TBC1D15: variants seen among roughly 807,000 people sequenced by gnomAD.
TBC1D15 encodes GAP for RAB7.
Under a neutral mutation model 95.4 loss-of-function variants are expected in TBC1D15, and 39 were observed. The observed-to-expected ratio is 0.41, with a 90% CI of 0.32 to 0.53. TBC1D15 has a LOEUF of 0.53. Among genes scored for constraint, TBC1D15 ranks in the 20% least tolerant of loss-of-function variants. The pLI is 0.29. For synonymous variants in TBC1D15, 258 were observed against 261.3 expected (o/e 0.99, Z 0.12); for missense variants, 733 against 794.3 (o/e 0.92, Z 0.93).
chr12:71,876,573 T>G (rs940668665), intron 3 of TBC1D15, among the ~76,000 whole-genome samples: 10 of 152,216 alleles, frequency 6.6e-5, no homozygotes, highest in African/African-American at 2.4e-4. Flanking sequence ...TTTCCATATT[T>G]TAATCCCTCT....
Position 71,884,792 on chromosome 12 carries a change from C to G in TBC1D15, c.344-19C>G, listed in dbSNP as rs769021270. 4 of 1,612,932 alleles carry G rather than the reference C, an allele frequency of 2.5e-6. No homozygotes were observed. The highest frequency in any genetic ancestry group is 3.4e-6 in the Non-Finnish European group (4 of 1,179,406). ...AAAAGGTGAACAAAAATATTTTGCC[C>G]CACTTTCTTGTTTTTAAGATGCTCC... On this transcript the variant is annotated intron_variant, in intron 4 of 16. Transcript: ENST00000485960.
chr12:71,859,127 GT>G (rs202068982), intron 1 of TBC1D15, among the ~76,000 whole-genome samples: 1 of 151,572 alleles, frequency 6.6e-6, no homozygotes, highest in African/African-American at 2.4e-5. Context: ...CCATTTGTAT[GT>G]TTTTTTTGTC....
intron 1 of TBC1D15, among the ~76,000 whole-genome samples, chr12:71,860,258 A>G (rs1890091626): frequency 6.6e-6 from 1 of 152,050 alleles, no homozygotes; most frequent in Non-Finnish European, 1.5e-5. Flanking sequence ...GTTCCATATG[A>G]ATTTTAGGAT....
At chr12:71,863,372 T>G (rs1890796411) in intron 1 of TBC1D15, among the ~76,000 whole-genome samples, 1 of 151,588 alleles carries the variant, frequency 6.6e-6, no homozygotes, top group African/African-American at 2.4e-5. Context: ...AGTGAGACTC[T>G]GTCTCAAAAA....
chr12:71,856,306 T>A (rs1296359926), intron 1 of TBC1D15, among the ~76,000 whole-genome samples: 1 of 152,186 alleles, frequency 6.6e-6, no homozygotes, highest in Non-Finnish European at 1.5e-5. Context: ...GGAAACTGAT[T>A]AGGCTATTCC....
Position 71,877,031 on chromosome 12 carries a change from G to A in TBC1D15, c.205-3438G>A, listed in dbSNP as rs551127752. On this transcript the variant is annotated intron_variant, in intron 3 of 16. Coordinates refer to ENST00000485960, the MANE Select transcript of TBC1D15 (RefSeq NM_001146213.3). ...TCACCATGTTGGCCAGGCTGGTCTC[G>A]AATCCCTGACCTCAAGTGATCTGTC... is the stretch of plus-strand genomic sequence containing the variant. 1.6e-4 allele frequency among the ~76,000 whole-genome samples: 25 copies of A among 151,918 alleles called. No individual in the cohort carries two copies. In the South Asian group the frequency reaches 3.5e-3, roughly 22 times the overall value.
intron 1 of TBC1D15, among the ~76,000 whole-genome samples, chr12:71,870,479 GA>G (rs1382940183): frequency 6.6e-6 from 1 of 152,104 alleles, no homozygotes; most frequent in Non-Finnish European, 1.5e-5. Flanking sequence ...TTAGGTTTTT[GA>G]AATCAAAACT....
At chr12:71,849,004 C>G (rs1421737006) in intron 1 of TBC1D15, among the ~76,000 whole-genome samples, 1 of 152,082 alleles carries the variant, frequency 6.6e-6, no homozygotes, top group Non-Finnish European at 1.5e-5. Context: ...TGGCCTGTTA[C>G]AAAGCAAACA....
At position 71,884,973 on chromosome 12, in the gene TBC1D15, A is replaced by G. The variant is rs774668422; in HGVS notation, c.506A>G (p.Asp169Gly). The G allele has an allele frequency of 6.8e-6, 11 of 1,613,952 alleles. No individual in the cohort carries two copies. Among genetic ancestry groups the G allele is most frequent in the South Asian group, 4.4e-5 (4 of 91,080 alleles). Residue 169 changes from aspartate to glycine, a missense_variant, in exon 5 of 17, where the codon GAT becomes GGT. Coordinates refer to ENST00000485960, the MANE Select transcript of TBC1D15 (RefSeq NM_001146213.3). Reference protein sequence around the residue: ...VLPALHFHQGDSKLLIESLEK... With the variant: ...VLPALHFHQGGSKLLIESLEK... Reference sequence around the variant, plus strand: ...CCTGCTCTACACTTTCATCAAGGAGATAGCAAACTACTGATTGAATCTCTT... The same window carrying G: ...CCTGCTCTACACTTTCATCAAGGAGGTAGCAAACTACTGATTGAATCTCTT...
chr12:71,887,736 C>G (rs1233213299), intron 5 of TBC1D15, among the ~76,000 whole-genome samples: 1 of 152,168 alleles, frequency 6.6e-6, no homozygotes, highest in Non-Finnish European at 1.5e-5. Context: ...TTGCTTCCTT[C>G]ATGGCATCTA....
chr12:71,880,858 A>G lies in TBC1D15; in HGVS notation c.343+251A>G, dbSNP rs369638109. Among the ~76,000 whole-genome samples the G allele has an allele frequency of 6.8e-3, 1,038 of 152,352 alleles. 9 individuals are homozygous for G. The highest frequency in any genetic ancestry group is 0.023 in the African/African-American group (970 of 41,562). On this transcript the variant is annotated intron_variant, in intron 4 of 16. Coordinates refer to ENST00000485960, the MANE Select transcript of TBC1D15 (RefSeq NM_001146213.3). ...ATGGCAGAAAGTAGAACCACTTTAA[A>G]ACATTCCTTTGGCTGTCCTTCATGC...
At chr12:71,840,246 T>G (rs1884607598) in intron 1 of TBC1D15, among the ~76,000 whole-genome samples, 1 of 152,206 alleles carries the variant, frequency 6.6e-6, no homozygotes, top group African/African-American at 2.4e-5. Context: ...ATGTTTATGC[T>G]TCCTTCGGGA....
chr12:71,875,380 C>T (rs1215755938), intron 3 of TBC1D15, among the ~76,000 whole-genome samples: 2 of 152,020 alleles, frequency 1.3e-5, no homozygotes, highest in African/African-American at 4.8e-5. Flanking sequence ...TTTTAATTTT[C>T]ATGAAGTCAA....
chr12:71,870,831 AGTGTTCC>A (rs1476274339), intron 1 of TBC1D15, among the ~76,000 whole-genome samples: 1 of 152,168 alleles, frequency 6.6e-6, no homozygotes, highest in African/African-American at 2.4e-5. Context: ...CTAGTGTATA[AGTGTTCC>A]GTAAATGTTA....
intron 3 of TBC1D15, among the ~76,000 whole-genome samples, chr12:71,874,423 T>A (rs1274137035): frequency 6.6e-6 from 1 of 152,158 alleles, no homozygotes; most frequent in Admixed American, 6.5e-5. Context: ...TGGTTCTATT[T>A]GATGTAGCAT....
intron 10 of TBC1D15, among the ~76,000 whole-genome samples, chr12:71,899,290 A>G (rs1898842578): frequency 6.6e-6 from 1 of 152,216 alleles, no homozygotes; most frequent in South Asian, 2.1e-4. Flanking sequence ...GAATTGAGAC[A>G]TACTGTAGCC....
At chr12:71,873,126 A>G in intron 3 of TBC1D15, 123 bp downstream of exon 3, 1 of 636,506 alleles carries the variant, frequency 1.6e-6, no homozygotes, top group Non-Finnish European at 2.6e-6. Flanking sequence ...GGTTTTTAGC[A>G]TATTTACAGA....
intron 3 of TBC1D15, among the ~76,000 whole-genome samples, chr12:71,877,522 TCC>T (rs1894181741): frequency 7.7e-6 from 1 of 130,620 alleles, no homozygotes; most frequent in Non-Finnish European, 1.5e-5. Flanking sequence ...CTTCCTTCCT[TCC>T]TTCCTTCCTT....
At chr12:71,879,509 G>A (rs1170933887) in intron 3 of TBC1D15, among the ~76,000 whole-genome samples, 2 of 152,140 alleles carry the variant, frequency 1.3e-5, no homozygotes, top group East Asian at 3.8e-4. Flanking sequence ...ATGTATGTAT[G>A]TGTTTAGAAA....
Sources: gnomAD v4.1 joint callset for allele counts (sites outside exome capture counted in the v4.1 genomes callset) on GRCh38, gnomAD v4.1.1 for gene constraint, MANE v1.5 for transcripts, NCBI Gene and HGNC (gene_info 2026-07-23, HGNC 2026-07-21) for gene names.